The following TRAPPC9 variants were observed in gnomAD, a reference collection of about 807,000 sequenced individuals.
TRAPPC9 encodes the protein trafficking protein particle complex subunit 9.
In TRAPPC9, 83 loss-of-function variants were observed where a neutral mutation model predicts 124.0. The ratio of observed to expected loss-of-function variants is 0.67; its 90% CI spans 0.56 to 0.80. TRAPPC9 has a LOEUF of 0.80. Ranked by LOEUF, TRAPPC9 falls within the 30% of genes least tolerant of loss-of-function variation. The pLI is 0.00. For synonymous variants in TRAPPC9, 638 were observed against 617.5 expected, an observed-to-expected ratio of 1.03 and a Z score of -0.49; for missense variants, 1,302 against 1,508.3, an observed-to-expected ratio of 0.86 and a Z score of 2.27.
At chr8:140,042,212 TG>T (rs1841320551) in intron 17 of TRAPPC9, among the ~76,000 whole-genome samples, 1 of 124,280 alleles carries the variant, frequency 8.0e-6, no homozygotes, top group African/African-American at 3.9e-5. Context: ...TGTATGTGTG[TG>T]TGTGTGTGTG....
At position 140,310,191 on chromosome 8, in the gene TRAPPC9, C is replaced by T. The variant is rs113470795; in HGVS notation, c.1622+1057G>A. On this transcript the variant is annotated intron_variant, in intron 10 of 22. Coordinates refer to ENST00000438773, the MANE Select transcript of TRAPPC9 (RefSeq NM_001160372.4). ...AATTCTCATAATAGCTTAATGCTAT[C>T]GGTTTTCTTCTTAATTTTGGGGGCA... Among the ~76,000 whole-genome samples the T allele has an allele frequency of 2.1e-3, 318 of 152,244 alleles. 2 individuals are homozygous for T. The highest frequency in any genetic ancestry group is 6.8e-3 in the African/African-American group (281 of 41,524).
chr8:140,084,777 G>T (rs1844079755), intron 17 of TRAPPC9, among the ~76,000 whole-genome samples: 1 of 152,200 alleles, frequency 6.6e-6, no homozygotes, highest in South Asian at 2.1e-4. Flanking sequence ...AAACCTCAAA[G>T]GGTAGGATAA....
intron 5 of TRAPPC9, among the ~76,000 whole-genome samples, chr8:140,414,983 G>A (rs2069858509): frequency 6.6e-6 from 1 of 152,062 alleles, no homozygotes; most frequent in Non-Finnish European, 1.5e-5. Flanking sequence ...CAAATGATCT[G>A]CCTGCCTCAG....
In TRAPPC9 at chr8:140,101,852, T is replaced by C. The variant is rs72685301; in HGVS notation, c.2557-77773A>G. On this transcript the variant is annotated intron_variant, in intron 17 of 22. Transcript: ENST00000438773. ...ACCATGCCCAGCCTGGTTTTTTGTT[T>C]ATTTTTTGTTTTTTCCTTTTTTTTT... 8.4e-3 allele frequency among the ~76,000 whole-genome samples: 1,280 copies of C among 151,856 alleles called. 13 individuals are homozygous for C. Among genetic ancestry groups the C allele is most frequent in the Non-Finnish European group, 0.013 (856 of 67,942 alleles).
intron 9 of TRAPPC9, among the ~76,000 whole-genome samples, chr8:140,335,354 C>T (rs942161882): frequency 6.6e-6 from 1 of 152,134 alleles, no homozygotes; most frequent in African/African-American, 2.4e-5. Flanking sequence ...GAAATCCCCA[C>T]ATGAGAGAAA....
At chr8:140,423,265 C>T (rs953278162) in intron 5 of TRAPPC9, among the ~76,000 whole-genome samples, 4 of 151,984 alleles carry the variant, frequency 2.6e-5, no homozygotes, top group African/African-American at 9.7e-5. Flanking sequence ...GGTGAAACCC[C>T]TTCTCTACTA....
chr8:140,431,349 C>T (rs1418652645), intron 4 of TRAPPC9, among the ~76,000 whole-genome samples: 2 of 151,616 alleles, frequency 1.3e-5, no homozygotes, highest in Admixed American at 1.3e-4. Flanking sequence ...CCCAGCTACT[C>T]GGGAGGCTGA....
rs988964193 is a variant in TRAPPC9 at position 139,729,443 on chromosome 8, G to A, written c.*1618C>T. ...CGGAAGGGCTGAAGAGACCGCCCTG[G>A]GGTCTCCACCCCCTACTGCAGCCAG... On this transcript the variant is annotated 3_prime_UTR_variant, in exon 23 of 23. Coordinates refer to ENST00000438773, the MANE Select transcript of TRAPPC9 (RefSeq NM_001160372.4). Among the ~76,000 whole-genome samples the A allele has an allele frequency of 6.6e-6, 1 of 152,198 alleles. No individual in the cohort carries two copies. Among genetic ancestry groups the A allele is most frequent in the African/African-American group, 2.4e-5 (1 of 41,450 alleles).
chr8:140,451,834 G>T (rs972846645), intron 1 of TRAPPC9, among the ~76,000 whole-genome samples: 1 of 152,134 alleles, frequency 6.6e-6, no homozygotes, highest in Non-Finnish European at 1.5e-5. Flanking sequence ...AATAGAACTT[G>T]TCTTGGCCGG....
chr8:140,106,091 G>T (rs1248193449), intron 17 of TRAPPC9, among the ~76,000 whole-genome samples: 1 of 149,896 alleles, frequency 6.7e-6, no homozygotes, highest in Non-Finnish European at 1.5e-5. Flanking sequence ...CAATGACAAA[G>T]TGCGGGATGA....
At chr8:140,164,033 T>A (rs1011562906) in intron 17 of TRAPPC9, among the ~76,000 whole-genome samples, 1 of 152,230 alleles carries the variant, frequency 6.6e-6, no homozygotes, top group African/African-American at 2.4e-5. Context: ...CTATGCTGTG[T>A]AGCTTTTATT....
rs1376419773 is a variant in TRAPPC9, at chr8:140,450,884, G to A, written c.490C>T (p.Leu164=). 6.2e-7 allele frequency: 1 copy of A among 1,614,084 alleles called. No homozygotes were observed. The highest frequency in any genetic ancestry group is 8.5e-7 in the Non-Finnish European group (1 of 1,180,004). ...SLFIVLESKR[L]DRATDKSGDK... ...CCAGACTTGTCTGTGGCTCTGTCCAGACGCTTGGACTCCAGCACGATGAAC... is the reference window on the plus strand; with the variant it reads ...CCAGACTTGTCTGTGGCTCTGTCCAAACGCTTGGACTCCAGCACGATGAAC... Residue 164 remains leucine, a synonymous_variant, in exon 2 of 23, where the codon CTG becomes TTG. Transcript: ENST00000438773.
chr8:140,389,163 G>A (rs1276615923), intron 7 of TRAPPC9, among the ~76,000 whole-genome samples: 2 of 151,750 alleles, frequency 1.3e-5, no homozygotes, highest in African/African-American at 4.8e-5. Context: ...CTACATGTTG[G>A]TCAGGCTGGT....
chr8:140,184,312 A>AG (rs2062301912), intron 17 of TRAPPC9, among the ~76,000 whole-genome samples: 4 of 152,236 alleles, frequency 2.6e-5, no homozygotes, highest in South Asian at 4.1e-4. Flanking sequence ...GGAAAAAAAA[A>AG]GAATTGGAAG....
intron 17 of TRAPPC9, among the ~76,000 whole-genome samples, chr8:140,174,043 G>A (rs1450962914): frequency 2.0e-5 from 3 of 152,200 alleles, no homozygotes; most frequent in Non-Finnish European, 4.4e-5. Flanking sequence ...TCATTATTCA[G>A]AAGACATGAG....
At chr8:140,001,162 C>T (rs530434381) in intron 18 of TRAPPC9, among the ~76,000 whole-genome samples, 2 of 152,256 alleles carry the variant, frequency 1.3e-5, no homozygotes, top group South Asian at 4.1e-4. Context: ...TGTTCTCACT[C>T]ATAGGTGGGA....
At chr8:139,862,371 T>C (rs1279757049) in intron 21 of TRAPPC9, among the ~76,000 whole-genome samples, 2 of 152,258 alleles carry the variant, frequency 1.3e-5, no homozygotes, top group African/African-American at 2.4e-5. Flanking sequence ...CAAAGGTTAC[T>C]CAGCCGTGTT....
At chr8:139,991,543 T>C (rs899632062) in intron 18 of TRAPPC9, among the ~76,000 whole-genome samples, 1 of 152,116 alleles carries the variant, frequency 6.6e-6, no homozygotes, top group African/African-American at 2.4e-5. Context: ...AGGCTGATGC[T>C]CTGAGCATAT....
intron 21 of TRAPPC9, among the ~76,000 whole-genome samples, chr8:139,739,566 C>T (rs1011918995): frequency 1.3e-5 from 2 of 152,226 alleles, no homozygotes; most frequent in African/African-American, 4.8e-5. Context: ...CCTTCCTGTC[C>T]CAGAGCCTCT....
Sources: allele counts gnomAD v4.1 joint callset (sites outside exome capture counted in the v4.1 genomes callset), GRCh38; gene constraint gnomAD v4.1.1; transcripts MANE v1.5; gene names NCBI Gene and HGNC (gene_info 2026-07-23, HGNC 2026-07-21).